The following PPP2R1B variants were observed in gnomAD, a reference collection of about 807,000 sequenced individuals.
The protein encoded by PPP2R1B is protein phosphatase 2 scaffold subunit Abeta, also known as serine/threonine-protein phosphatase 2A 65 kDa regulatory subunit A beta isoform.
In PPP2R1B, 58 loss-of-function variants were observed where a neutral mutation model predicts 72.7. The observed-to-expected ratio is 0.80, with a 90% CI of 0.65 to 0.99. The LOEUF is 0.99. PPP2R1B is among the 50% of genes least tolerant of loss of function. The probability of loss-of-function intolerance (pLI) is 0.00; values close to 1 mark genes in which losing one functional copy is unlikely to be tolerated. For synonymous variants in PPP2R1B, 256 were observed against 264.6 expected, an observed-to-expected ratio of 0.97 and a Z score of 0.32; for missense variants, 695 against 733.6, an observed-to-expected ratio of 0.95 and a Z score of 0.61.
intron 10 of PPP2R1B, among the ~76,000 whole-genome samples, chr11:111,748,349 T>C (rs1944778503): frequency 6.6e-6 from 1 of 152,270 alleles, no homozygotes; most frequent in Non-Finnish European, 1.5e-5. Context: ...TAAAAATGAA[T>C]TACCCAGGAA....
intron 10 of PPP2R1B, among the ~76,000 whole-genome samples, chr11:111,750,037 G>C (rs1235069285): frequency 6.6e-6 from 1 of 152,198 alleles, no homozygotes; most frequent in Non-Finnish European, 1.5e-5. Flanking sequence ...CATAGCACTT[G>C]GGAGTGACAG....
In PPP2R1B at chr11:111,740,966, T is replaced by C. The variant is rs1233704974; in HGVS notation, c.*630A>G. The C allele has an allele frequency of 1.0e-6, 1 of 985,396 alleles. No individual in the cohort carries two copies. The allele number at this position is 985,396 out of a possible 1,614,324, so 61.0% of individuals were successfully genotyped here. A position where few individuals can be genotyped will look rare whatever the true frequency, so the allele number is the denominator to read the frequency against. On this transcript the variant is annotated 3_prime_UTR_variant, in exon 15 of 15. Coordinates refer to ENST00000527614, the MANE Select transcript of PPP2R1B (RefSeq NM_002716.5). Reference sequence around the variant, plus strand: ...CATTAGCAGCAAGATGCAGCCACACTTCAGGTTTCTGAATGACATGAGTAC... The same window carrying C: ...CATTAGCAGCAAGATGCAGCCACACCTCAGGTTTCTGAATGACATGAGTAC...
At chr11:111,722,513 T>TC, downstream of PPP2R1B, 1 of 708,150 alleles carries the variant, frequency 1.4e-6, no homozygotes, top group Non-Finnish European at 2.3e-6. This position sits in a 1 kb window ranked among gnomAD's most constrained non-coding sequence, Gnocchi z 4.4. Context: ...CGATGCTCTT[T>TC]CAGGGTCTCA....
downstream of PPP2R1B, among the ~76,000 whole-genome samples, chr11:111,733,384 G>A (rs1019248490): frequency 5.3e-5 from 8 of 152,220 alleles, no homozygotes; most frequent in Admixed American, 5.2e-4. Context: ...CCCTGGAGCC[G>A]AGCCCCCAAA....
intron 15 of PPP2R1B, chr11:111,727,332 C>G: frequency 2.1e-6 from 1 of 472,114 alleles, no homozygotes; most frequent in East Asian, 3.2e-5. Context: ...ACTTTTGCCT[C>G]CTAGGAAAGA....
At chr11:111,757,939 T>A (rs1945185023) in intron 5 of PPP2R1B, among the ~76,000 whole-genome samples, 1 of 152,060 alleles carries the variant, frequency 6.6e-6, no homozygotes, top group African/African-American at 2.4e-5. Flanking sequence ...GACACCATCA[T>A]CCACCCAGTT....
chr11:111,691,924 G>C, the PPP2R1B span, among the ~76,000 whole-genome samples: 1 of 152,260 alleles, frequency 6.6e-6, no homozygotes, highest in South Asian at 2.1e-4. Flanking sequence ...AACACAAAAA[G>C]ATCATTGTTT....
chr11:111,759,754 T>C, intron 5 of PPP2R1B, 50 bp downstream of exon 5: 1 of 1,502,038 alleles, frequency 6.7e-7, no homozygotes, highest in Non-Finnish European at 8.9e-7. Context: ...TCTGAAAATT[T>C]AGAGGAAAGG....
At chr11:111,754,355 G>T in intron 8 of PPP2R1B, 144 bp downstream of exon 8, 1 of 1,148,318 alleles carries the variant, frequency 8.7e-7, no homozygotes, top group Non-Finnish European at 1.2e-6. Context: ...GAATAACAAT[G>T]TTGCACATTA....
chr11:111,731,608 T>C (rs1944196170), intron 15 of PPP2R1B, among the ~76,000 whole-genome samples: 2 of 152,242 alleles, frequency 1.3e-5, no homozygotes, highest in African/African-American at 4.8e-5. Flanking sequence ...GCCCATGCTA[T>C]AGAACATTGA....
At position 111,739,976 on chromosome 11, in the gene PPP2R1B, A is replaced by C. The variant is rs1944464334; in HGVS notation, c.*1620T>G. On this transcript the variant is annotated 3_prime_UTR_variant, in exon 15 of 15. Coordinates refer to ENST00000527614, the MANE Select transcript of PPP2R1B (RefSeq NM_002716.5). ...ATTTTTCGAATGTAGGACAAATTTT[A>C]AAGTATTTAGTAAAACTTGGTTTTA... 1.0e-6 allele frequency: 1 copy of C among 980,608 alleles called. No homozygotes were observed. The highest frequency in any genetic ancestry group is 1.2e-6 in the Non-Finnish European group (1 of 825,628). The allele number at this position is 980,608 out of a possible 1,614,324, so 60.7% of individuals were successfully genotyped here.
chr11:111,710,008 C>T, the PPP2R1B span, among the ~76,000 whole-genome samples: 23 of 152,160 alleles, frequency 1.5e-4, no homozygotes, highest in African/African-American at 3.6e-4. Flanking sequence ...CCCAGTCATG[C>T]GTTGCCCTAA....
At chr11:111,710,931 CCTT>C in the PPP2R1B span, among the ~76,000 whole-genome samples, 5 of 152,268 alleles carry the variant, frequency 3.3e-5, no homozygotes, top group Middle Eastern at 3.4e-3. Context: ...TACAGGCTGT[CCTT>C]CTGCCTTTCA....
chr11:111,762,643 ACTC>A (rs1323630682), intron 3 of PPP2R1B, among the ~76,000 whole-genome samples: 3 of 148,156 alleles, frequency 2.0e-5, no homozygotes, highest in African/African-American at 5.0e-5. Context: ...GCGGCCTCAG[ACTC>A]CTCGTCCTTC....
chr11:111,736,681 G>A (rs1451267876), downstream of PPP2R1B, among the ~76,000 whole-genome samples: 2 of 152,164 alleles, frequency 1.3e-5, no homozygotes, highest in South Asian at 2.1e-4. Context: ...GGCAAAAAAC[G>A]TTTTCATGGT....
chr11:111,754,718 T>C (rs1945036858), intron 7 of PPP2R1B, 149 bp from the exon 8 acceptor site: 12 of 1,381,412 alleles, frequency 8.7e-6, no homozygotes, highest in Non-Finnish European at 1.1e-5. Flanking sequence ...ATAAACTTTT[T>C]CGTGAACTCT....
intron 5 of PPP2R1B, among the ~76,000 whole-genome samples, chr11:111,757,165 T>C (rs963587385): frequency 3.3e-5 from 5 of 151,384 alleles, no homozygotes; most frequent in African/African-American, 1.2e-4. Context: ...AATTAGAAAT[T>C]GAGACTGTAG....
At chr11:111,705,976 T>G in the PPP2R1B span, among the ~76,000 whole-genome samples, 1 of 152,134 alleles carries the variant, frequency 6.6e-6, no homozygotes, top group Non-Finnish European at 1.5e-5. The surrounding 1 kb of genome is among the most constrained non-coding windows in gnomAD (Gnocchi z 4.3). Flanking sequence ...AGAGGTAGAC[T>G]CTGTATGAAG....
In PPP2R1B at chr11:111,739,778, AAAATT is replaced by A. The variant is rs1189034637; in HGVS notation, c.*1813_*1817del. ...ACAAAAAATAAAGACTCATGAAACT[AAAATT>A]AAAATGTTTACAGAATAATAGCATA... On this transcript the variant is annotated 3_prime_UTR_variant, in exon 15 of 15. Coordinates refer to ENST00000527614, the MANE Select transcript of PPP2R1B (RefSeq NM_002716.5). 1 of 970,436 alleles carries A rather than the reference AAAATT, an allele frequency of 1.0e-6. No individual in the cohort carries two copies. Among genetic ancestry groups the A allele is most frequent in the African/African-American group, 1.8e-5 (1 of 56,850 alleles). The allele number at this position is 970,436 out of a possible 1,614,324, so 60.1% of individuals were successfully genotyped here.
Sources: gnomAD v4.1 joint callset for allele counts (sites outside exome capture counted in the v4.1 genomes callset) on GRCh38, gnomAD v4.1.1 for gene constraint, Gnocchi (gnomAD v3.1) non-coding constraint, MANE v1.5 for transcripts, NCBI Gene and HGNC (gene_info 2026-07-23, HGNC 2026-07-21) for gene names.